EEF1AKMT1: variants seen among roughly 807,000 people sequenced by gnomAD.
EEF1AKMT1 encodes the protein EEF1A lysine methyltransferase 1.
EEF1AKMT1 carries 18 observed loss-of-function variants against 21.0 expected under a neutral mutation model. The observed-to-expected ratio is 0.86, with a 90% CI of 0.59 to 1.27. The LOEUF (loss-of-function observed/expected upper bound fraction) is 1.27, where lower values mean the gene tolerates loss of function less well. EEF1AKMT1 is among the 50% of genes most tolerant of loss of function. EEF1AKMT1 has a pLI of 0.00. For synonymous variants in EEF1AKMT1, 109 were observed against 94.8 expected, an observed-to-expected ratio of 1.15 and a Z score of -0.87; for missense variants, 246 against 258.6, an observed-to-expected ratio of 0.95 and a Z score of 0.33.
chr13:20,731,486 C>T (rs1052026135), intron 4 of EEF1AKMT1, among the ~76,000 whole-genome samples: 4 of 152,178 alleles, frequency 2.6e-5, no homozygotes, highest in African/African-American at 9.7e-5. Context: ...TCTGTAACCT[C>T]AGGCAATTCA....
At chr13:20,746,820 T>G (rs1398258418) in intron 2 of EEF1AKMT1, among the ~76,000 whole-genome samples, 1 of 152,238 alleles carries the variant, frequency 6.6e-6, no homozygotes, top group Non-Finnish European at 1.5e-5. Context: ...ATTTCACCAC[T>G]GAGCATTGTG....
chr13:20,771,071 C>T (rs1234209337), intron 1 of EEF1AKMT1, among the ~76,000 whole-genome samples: 2 of 151,888 alleles, frequency 1.3e-5, no homozygotes, highest in African/African-American at 4.8e-5. Flanking sequence ...GGGGTCTCGT[C>T]ATGTTGCCCA....
chr13:20,746,180 C>T (rs1051333266), intron 2 of EEF1AKMT1, among the ~76,000 whole-genome samples: 2 of 151,322 alleles, frequency 1.3e-5, no homozygotes, highest in African/African-American at 4.9e-5. Context: ...TAGACAGAGT[C>T]TCACTCTTGT....
intron 3 of EEF1AKMT1, among the ~76,000 whole-genome samples, chr13:20,733,094 CTTTTTTT>C (rs56061412): frequency 1.6e-5 from 2 of 126,548 alleles, no homozygotes; most frequent in African/African-American, 6.1e-5. Flanking sequence ...CTGTGATACA[CTTTTTTT>C]TTTTTTTTTT....
chr13:20,753,125 G>A lies in EEF1AKMT1; in HGVS notation c.144+4330C>T, dbSNP rs552071448. Among the ~76,000 whole-genome samples the A allele has an allele frequency of 3.7e-4, 56 of 152,018 alleles. 1 individual carries two copies. The highest frequency in any genetic ancestry group is 9.9e-4 in the African/African-American group (41 of 41,468). On this transcript the variant is annotated intron_variant, in intron 2 of 4. Coordinates refer to ENST00000382758, the MANE Select transcript of EEF1AKMT1 (RefSeq NM_001318939.2). ...GTTTTTGCTGTATTCCATAGATTTCGGTATGTTGTGTTTTGATTTTCCATT... is the reference window on the plus strand; with the variant it reads ...GTTTTTGCTGTATTCCATAGATTTCAGTATGTTGTGTTTTGATTTTCCATT...
intron 1 of EEF1AKMT1, among the ~76,000 whole-genome samples, chr13:20,763,457 G>GT (rs532225725): frequency 0.028 from 3,914 of 141,670 alleles, 115 homozygotes; most frequent in Middle Eastern, 0.092. Context: ...CGAAATTTTT[G>GT]TTTTTTTTTT....
intron 2 of EEF1AKMT1, among the ~76,000 whole-genome samples, chr13:20,755,016 G>A (rs750607221): frequency 4.6e-5 from 7 of 152,234 alleles, no homozygotes; most frequent in Non-Finnish European, 1.0e-4. Context: ...CAGTAGCTGT[G>A]CTATTCTTAG....
intron 2 of EEF1AKMT1, among the ~76,000 whole-genome samples, chr13:20,743,089 C>A (rs1021762431): frequency 4.6e-5 from 7 of 152,032 alleles, no homozygotes; most frequent in African/African-American, 1.7e-4. Flanking sequence ...TTTATTGAGA[C>A]AGAGTCTCAC....
chr13:20,739,677 G>A (rs1214321299), intron 2 of EEF1AKMT1, among the ~76,000 whole-genome samples: 2 of 152,166 alleles, frequency 1.3e-5, no homozygotes, highest in Non-Finnish European at 2.9e-5. Context: ...GCTGATTGGT[G>A]AGTTTACAAT....
rs2059077054 is a variant in EEF1AKMT1, at chr13:20,773,950, G to T, written c.-49C>A. On this transcript the variant is annotated 5_prime_UTR_variant, in exon 1 of 5. Transcript: ENST00000382758. ...CGCGCGTGCGCAGTCGCCCAGACTC[G>T]CCGTGTGCAGTGGGAGTGGCTAGCC... 1 of 152,320 alleles carries T rather than the reference G, an allele frequency of 6.6e-6. No individual in the cohort carries two copies. Among genetic ancestry groups the T allele is most frequent in the Non-Finnish European group, 1.5e-5 (1 of 68,150 alleles). 9.4% of individuals were successfully genotyped at this position (152,320 alleles called of 1,614,324 possible).
At chr13:20,751,798 A>G (rs904685733) in intron 2 of EEF1AKMT1, among the ~76,000 whole-genome samples, 7 of 151,992 alleles carry the variant, frequency 4.6e-5, no homozygotes, top group African/African-American at 1.7e-4. Context: ...ATGTCTTTCC[A>G]TTTGTTGGTG....
intron 2 of EEF1AKMT1, among the ~76,000 whole-genome samples, chr13:20,738,915 T>G (rs531409757): frequency 7.2e-5 from 11 of 152,340 alleles, no homozygotes; most frequent in East Asian, 1.9e-4. Context: ...GATAGTTGTG[T>G]GTCCGGAATT....
At position 20,767,249 on chromosome 13, in the gene EEF1AKMT1, C is replaced by T. The variant is rs368421896; in HGVS notation, c.-20+6672G>A. On this transcript the variant is annotated intron_variant, in intron 1 of 4. Coordinates refer to ENST00000382758, the MANE Select transcript of EEF1AKMT1 (RefSeq NM_001318939.2). ...TGAACCCGGGAGGCGGAGCTTGCAG[C>T]GAGCCTAGATCTTGCCACTGCACTC... is the stretch of plus-strand genomic sequence containing the variant. 3.8e-4 allele frequency among the ~76,000 whole-genome samples: 51 copies of T among 134,054 alleles called. No homozygotes were observed. In the South Asian group the frequency reaches 9.1e-3, roughly 24 times the overall value. The allele number at this position is 134,054 out of a possible 152,430, so 87.9% of individuals were successfully genotyped here.
intron 1 of EEF1AKMT1, among the ~76,000 whole-genome samples, chr13:20,763,293 C>T (rs2059010463): frequency 6.6e-6 from 1 of 152,086 alleles, no homozygotes; most frequent in Admixed American, 6.5e-5. Flanking sequence ...ACCCCCCTCC[C>T]ACCCTGCACC....
chr13:20,773,099 A>C (rs2059070273), intron 1 of EEF1AKMT1, among the ~76,000 whole-genome samples: 1 of 152,132 alleles, frequency 6.6e-6, no homozygotes, highest in South Asian at 2.1e-4. Flanking sequence ...TTCTGTTTTC[A>C]TCTTTGAGTC....
At chr13:20,729,424 A>T (rs2058779002) in intron 4 of EEF1AKMT1, among the ~76,000 whole-genome samples, 1 of 151,822 alleles carries the variant, frequency 6.6e-6, no homozygotes, top group Non-Finnish European at 1.5e-5. Flanking sequence ...TGTCTTTTTT[A>T]TTGAATGAAT....
intron 3 of EEF1AKMT1, among the ~76,000 whole-genome samples, chr13:20,736,189 C>T (rs1453016291): frequency 1.3e-5 from 2 of 152,150 alleles, no homozygotes; most frequent in Non-Finnish European, 2.9e-5. Context: ...AAATCCTAAG[C>T]TTGCTGTGGG....
intron 2 of EEF1AKMT1, among the ~76,000 whole-genome samples, chr13:20,738,973 C>T (rs548601752): frequency 2.0e-5 from 3 of 152,202 alleles, no homozygotes; most frequent in South Asian, 4.1e-4. Context: ...TGTGGACCCT[C>T]ACGATGAGTG....
intron 1 of EEF1AKMT1, among the ~76,000 whole-genome samples, chr13:20,771,771 G>C (rs778635582): frequency 9.2e-5 from 14 of 152,202 alleles, no homozygotes; most frequent in Non-Finnish European, 1.8e-4. Context: ...AGCACTTTGG[G>C]AGATCGAGGC....
Sources: gnomAD v4.1 joint callset for allele counts (sites outside exome capture counted in the v4.1 genomes callset) on GRCh38, gnomAD v4.1.1 for gene constraint, MANE v1.5 for transcripts, NCBI Gene and HGNC (gene_info 2026-07-23, HGNC 2026-07-21) for gene names.